TTLL10: variants seen among roughly 807,000 people sequenced by gnomAD.
TTLL10 encodes tubulin tyrosine ligase like 10.
A neutral mutation model predicts 69.0 loss-of-function variants in TTLL10; 61 were observed. That is an observed-to-expected ratio of 0.88 (90% CI 0.72 to 1.09). TTLL10 has a LOEUF of 1.09. Among genes scored for constraint, TTLL10 ranks in the 50% least tolerant of loss-of-function variants. The pLI is 0.00. For synonymous variants in TTLL10, 408 were observed against 393.3 expected (o/e 1.04, Z -0.44); for missense variants, 962 against 945.9 (o/e 1.02, Z -0.22).
At chr1:1,191,026 C>T (rs977292038) in intron 13 of TTLL10, among the ~76,000 whole-genome samples, 17 of 152,168 alleles carry the variant, frequency 1.1e-4, no homozygotes, top group African/African-American at 3.9e-4. Context: ...ATGGGGGTTT[C>T]ACCATGTTGG....
rs1647242048 is a variant in TTLL10, at chr1:1,185,364, C to T, written c.1401+255C>T. ...TCGGCACGAGTCCCGCGGGCAGCCT[C>T]GCCGTAGGGTCAGGGGACAGCTCGG... is the stretch of plus-strand genomic sequence containing the variant. On this transcript the variant is annotated intron_variant, in intron 13 of 15. Transcript: ENST00000379289. The surrounding 1 kb of genome is among the most constrained non-coding windows in gnomAD (Gnocchi z 6.1). 8 of 1,344,704 alleles carry T rather than the reference C, an allele frequency of 5.9e-6. No homozygotes were observed. Among genetic ancestry groups the T allele is most frequent in the South Asian group, 1.9e-5 (1 of 52,526 alleles). 83.3% of individuals were successfully genotyped at this position (1,344,704 alleles called of 1,614,324 possible).
chr1:1,180,085 G>A lies in TTLL10; in HGVS notation c.251G>A (p.Cys84Tyr). The change falls in exon 6 of 16, where the codon TGT (cysteine) becomes TAT (tyrosine). Residue 84 changes from cysteine to tyrosine, a missense_variant. Cys to Tyr is a radical substitution (Grantham distance 194, BLOSUM62 -2). Transcript: ENST00000379289. Reference protein sequence around the residue: ...MGSSQEEGLRCQPSQPDHDAD... With the variant: ...MGSSQEEGLRYQPSQPDHDAD... Reference sequence around the variant, plus strand: ...AGCAGCCAGGAGGAGGGACTCCGGTGTCAGCCAAGCCAGCCAGACCACGAC... The same window carrying A: ...AGCAGCCAGGAGGAGGGACTCCGGTATCAGCCAAGCCAGCCAGACCACGAC... 1 of 1,606,172 alleles carries A rather than the reference G, an allele frequency of 6.2e-7. No individual in the cohort carries two copies. The highest frequency in any genetic ancestry group is 1.1e-5 in the South Asian group (1 of 90,302).
In TTLL10 at chr1:1,180,876, C is replaced by CCCCTGCCCCCGT; in HGVS notation, c.755+23_755+34dup. The CCCCTGCCCCCGT allele has an allele frequency of 6.5e-7, 1 of 1,545,464 alleles. No homozygotes were observed. Among genetic ancestry groups the CCCCTGCCCCCGT allele is most frequent in the Non-Finnish European group, 8.7e-7 (1 of 1,144,672 alleles). Reference sequence around the variant, plus strand: ...TCCAGGCCAGGTGAGTCTGCCCCTGCCCCTGCCCCCGTCCCTGCGCCCGCC... The same window carrying CCCCTGCCCCCGT: ...TCCAGGCCAGGTGAGTCTGCCCCTGCCCCTGCCCCCGTCCCTGCCCCCGTCCCTGCGCCCGCC... On this transcript the variant is annotated intron_variant, in intron 8 of 15. Coordinates refer to ENST00000379289, the MANE Select transcript of TTLL10 (RefSeq NM_001130045.2).
At chr1:1,177,158 A>G (rs1646902608) in intron 3 of TTLL10, among the ~76,000 whole-genome samples, 2 of 147,924 alleles carry the variant, frequency 1.4e-5, no homozygotes, top group South Asian at 4.3e-4. Flanking sequence ...GTGCATGTTT[A>G]TAGGTGTGTG....
chr1:1,197,110 G>T lies in TTLL10; in HGVS notation c.1536G>T (p.Met512Ile). 1.3e-6 allele frequency: 2 copies of T among 1,551,086 alleles called. No individual in the cohort carries two copies. The highest frequency in any genetic ancestry group is 1.4e-5 in the African/African-American group (1 of 73,104). ...TGGGGCAGGTATGGCTGCTGGAGATGAATTCTAACCCAGCCCTGCACACCA... is the reference window on the plus strand; with the variant it reads ...TGGGGCAGGTATGGCTGCTGGAGATTAATTCTAACCCAGCCCTGCACACCA... ...DDNFKVWLLE[M>I]NSNPALHTNC... The change falls in exon 15 of 16, where the codon ATG becomes ATT. Residue 512 changes from methionine to isoleucine, a missense_variant. Transcript: ENST00000379289.
intron 6 of TTLL10, 55 bp from the exon 7 acceptor site, chr1:1,180,428 C>G: frequency 6.5e-6 from 10 of 1,540,466 alleles, no homozygotes; most frequent in Non-Finnish European, 8.8e-6. Flanking sequence ...GGCCGCCCGC[C>G]ATCCCCAACC....
chr1:1,195,280 C>T (rs9727211), intron 13 of TTLL10, among the ~76,000 whole-genome samples: 19,862 of 151,930 alleles, frequency 0.13, 2,153 homozygotes, highest in African/African-American at 0.31. Flanking sequence ...TGTGAAGCCA[C>T]TGCACCCGGC....
At chr1:1,197,002 G>A (rs1648258019) in intron 14 of TTLL10, 91 bp from the exon 15 acceptor site, 2 of 1,229,298 alleles carry the variant, frequency 1.6e-6, no homozygotes, top group Non-Finnish European at 2.3e-6. Flanking sequence ...CAATCTCCCA[G>A]AGCCATCTGT....
intron 11 of TTLL10, among the ~76,000 whole-genome samples, chr1:1,183,676 C>A (rs1647150359): frequency 6.6e-6 from 1 of 152,270 alleles, no homozygotes; most frequent in Admixed American, 6.5e-5. Context: ...ATGCCCTCCT[C>A]CTCCAGGCAG....
intron 10 of TTLL10, 66 bp downstream of exon 10, chr1:1,182,512 G>C: frequency 6.5e-7 from 1 of 1,529,586 alleles, no homozygotes. Flanking sequence ...GGACCAAGGC[G>C]GGGGCTGATG....
rs1356387814 is a variant in TTLL10 at position 1,197,597 on chromosome 1, G to T, written c.1772G>T (p.Arg591Leu). Residue 591 changes from arginine (R) to leucine (L), a missense_variant, in exon 16 of 16, where the codon CGC becomes CTC. By Grantham distance (102) the Arg-to-Leu change is moderately radical. Coordinates refer to ENST00000379289, the MANE Select transcript of TTLL10 (RefSeq NM_001130045.2). ...SLRRWPPLPT[R>L]QAKSSGPPMP... ...CGCCGCTGGCCGCCCCTGCCCACCCGCCAGGCCAAGTCCTCCGGGCCACCC... is the reference window on the plus strand; with the variant it reads ...CGCCGCTGGCCGCCCCTGCCCACCCTCCAGGCCAAGTCCTCCGGGCCACCC... The T allele has an allele frequency of 6.6e-7, 1 of 1,513,086 alleles. No homozygotes were observed. Among genetic ancestry groups the T allele is most frequent in the Non-Finnish European group, 8.8e-7 (1 of 1,136,876 alleles). 93.7% of individuals were successfully genotyped at this position (1,513,086 alleles called of 1,614,324 possible). A position where few individuals can be genotyped will look rare whatever the true frequency, so the allele number is the denominator to read the frequency against.
rs149856468 is a variant in TTLL10, at chr1:1,185,632, G to A, written c.1401+523G>A. 8.3e-5 allele frequency: 82 copies of A among 986,180 alleles called. No homozygotes were observed. The Middle Eastern group carries it at 1.6e-3, about 19-fold the overall frequency. 61.1% of individuals were successfully genotyped at this position (986,180 alleles called of 1,614,324 possible). On this transcript the variant is annotated intron_variant, in intron 13 of 15. Transcript: ENST00000379289. This position sits in a 1 kb window ranked among gnomAD's most constrained non-coding sequence, Gnocchi z 6.1. ...CTAGCAGCAAAGGCCCTTGAGCAGC[G>A]CGGTGTGAAACTGGGATAAAAACGG...
intron 14 of TTLL10, 79 bp downstream of exon 14, chr1:1,196,795 C>T: frequency 9.4e-7 from 1 of 1,061,810 alleles, no homozygotes; most frequent in Non-Finnish European, 1.4e-6. Context: ...ACCACACTGG[C>T]AGGCCCCAGG....
chr1:1,183,318 G>T (rs560482723), intron 11 of TTLL10, among the ~76,000 whole-genome samples: 1 of 152,194 alleles, frequency 6.6e-6, no homozygotes, highest in Non-Finnish European at 1.5e-5. Flanking sequence ...CCTGGCCTGG[G>T]TGGCCTCCCG....
At position 1,192,086 on chromosome 1, in the gene TTLL10, T is replaced by TG. The variant is rs374870252; in HGVS notation, c.1402-4505dup. ...TTGGGGCCAGTTTATGGCCAGATTTTGGGGGGGGGCCTGCTCCCAACATGT... is the reference window on the plus strand; with the variant it reads ...TTGGGGCCAGTTTATGGCCAGATTTTGGGGGGGGGGCCTGCTCCCAACATGT... On this transcript the variant is annotated intron_variant, in intron 13 of 15. Transcript: ENST00000379289. Among the ~76,000 whole-genome samples the TG allele has an allele frequency of 7.4e-3, 1,123 of 151,492 alleles. 4 individuals are homozygous for TG. Among genetic ancestry groups the TG allele is most frequent in the African/African-American group, 9.7e-3 (399 of 41,318 alleles).
intron 3 of TTLL10, 90 bp from the exon 4 acceptor site, chr1:1,179,099 G>C: frequency 1.2e-6 from 1 of 862,918 alleles, no homozygotes; most frequent in Non-Finnish European, 1.8e-6. Context: ...CCTGGGCAGG[G>C]TGGGCCTGAC....
intron 3 of TTLL10, 71 bp from the exon 4 acceptor site, chr1:1,179,118 C>G: frequency 1.9e-6 from 2 of 1,068,812 alleles, no homozygotes; most frequent in Non-Finnish European, 2.7e-6. Context: ...ACTGCCTGCT[C>G]CATCCAAGCA....
chr1:1,180,457 G>GGGCCC, intron 6 of TTLL10, 26 bp from the exon 7 acceptor site: 3 of 1,520,732 alleles, frequency 2.0e-6, no homozygotes, highest in Non-Finnish European at 1.8e-6. Flanking sequence ...CGGCCCCCAG[G>GGGCCC]TCACCCCCGC....
At chr1:1,182,491 G>A (rs753134809) in intron 10 of TTLL10, 45 bp downstream of exon 10, 2 of 1,599,202 alleles carry the variant, frequency 1.3e-6, no homozygotes, top group South Asian at 2.2e-5. Context: ...TGGGGAGACA[G>A]GGTGAGGGCT....
Sources: allele counts gnomAD v4.1 joint callset (sites outside exome capture counted in the v4.1 genomes callset), GRCh38; gene constraint gnomAD v4.1.1; non-coding constraint Gnocchi (gnomAD v3.1); transcripts MANE v1.5; gene names NCBI Gene and HGNC (gene_info 2026-07-23, HGNC 2026-07-21).